AASS: variants seen among roughly 807,000 people sequenced by gnomAD.
AASS encodes aminoadipate-semialdehyde synthase, also known as alpha-aminoadipic semialdehyde synthase, mitochondrial.
Under a neutral mutation model 105.4 loss-of-function variants are expected in AASS, and 86 were observed. That is an observed-to-expected ratio of 0.82 (90% CI 0.69 to 0.98). The LOEUF (loss-of-function observed/expected upper bound fraction) is 0.98. Ranked by LOEUF, AASS falls within the 50% of genes least tolerant of loss-of-function variation. The pLI is 0.00. For missense variants in AASS, 1,048 were observed against 1,143.2 expected, an observed-to-expected ratio of 0.92 and a Z score of 1.20; for synonymous variants, 381 against 394.8, an observed-to-expected ratio of 0.96 and a Z score of 0.41.
chr7:122,103,796 T>C (rs2150526001), intron 11 of AASS, among the ~76,000 whole-genome samples: 1 of 151,838 alleles, frequency 6.6e-6, no homozygotes, highest in African/African-American at 2.4e-5. Flanking sequence ...GTATATATAC[T>C]ATATATACTA....
At chr7:122,122,535 G>A (rs1198764577) in intron 4 of AASS, among the ~76,000 whole-genome samples, 1 of 152,148 alleles carries the variant, frequency 6.6e-6, no homozygotes, top group East Asian at 1.9e-4. Flanking sequence ...CTGGCATTCA[G>A]TAAAAAATTA....
At chr7:122,081,000 A>T (rs1793289271) in intron 20 of AASS, among the ~76,000 whole-genome samples, 4 of 152,222 alleles carry the variant, frequency 2.6e-5, no homozygotes, top group Admixed American at 2.6e-4. Flanking sequence ...TCCAACTCTG[A>T]GGCCTTAAGG....
rs1415982424 is a variant in AASS, at chr7:122,076,561, G to C, written c.2709C>G (p.Ile903Met). The C allele has an allele frequency of 6.2e-7, 1 of 1,613,730 alleles. No homozygotes were observed. The highest frequency in any genetic ancestry group is 8.5e-7 in the Non-Finnish European group (1 of 1,179,814). ...TAATTCGCTCCAATATTGGTCCATA[G>C]ATCTCCTTTGAAAAGGGCCCCATTA... ...KGLMGPFSKE[I>M]YGPILERIKA... Residue 903 changes from isoleucine (I) to methionine (M), a missense_variant, in exon 24 of 24, where the codon ATC becomes ATG. Transcript: ENST00000417368.
chr7:122,079,561 G>A (rs768705154), intron 21 of AASS, 36 bp downstream of exon 21: 4 of 1,423,658 alleles, frequency 2.8e-6, no homozygotes, highest in Middle Eastern at 1.8e-4. Context: ...CATTGATCCA[G>A]TATATTTTGC....
chr7:122,101,564 A>G, intron 12 of AASS, 57 bp downstream of exon 12: 1 of 1,520,148 alleles, frequency 6.6e-7, no homozygotes, highest in African/African-American at 1.4e-5. Flanking sequence ...GAGAGAAGAG[A>G]GCAAAAATGG....
chr7:122,077,793 G>A, intron 23 of AASS, 45 bp downstream of exon 23: 3 of 1,611,430 alleles, frequency 1.9e-6, no homozygotes, highest in Non-Finnish European at 2.5e-6. Context: ...AAATGGCTTG[G>A]AGGTGAAACA....
At chr7:122,097,064 A>AT (rs1163537975) in intron 15 of AASS, among the ~76,000 whole-genome samples, 1 of 152,154 alleles carries the variant, frequency 6.6e-6, no homozygotes, top group East Asian at 1.9e-4. Flanking sequence ...TAACATTTAT[A>AT]TAAATTGAGT....
intron 23 of AASS, among the ~76,000 whole-genome samples, chr7:122,077,253 T>C (rs1287618978): frequency 6.6e-6 from 1 of 152,262 alleles, no homozygotes; most frequent in Non-Finnish European, 1.5e-5. Flanking sequence ...GCTTATTGAA[T>C]GTCTATGTGA....
rs1240721943 is a variant in AASS, at chr7:122,086,095, G to A, written c.2101C>T (p.Pro701Ser). The change falls in exon 19 of 24, where the codon CCT becomes TCT. Residue 701 changes from proline (P) to serine (S), a missense_variant. Physicochemically the swap from Pro to Ser is moderately conservative, Grantham distance 74. Coordinates refer to ENST00000417368, the MANE Select transcript of AASS (RefSeq NM_005763.4). ...GCATATTTCGTACTGTCTCTGTTAG[G>A]ATAGCCTTCCAAATTTAATCCTGGA... ...FFPGLNLEGY[P>S]NRDSTKYAEI... 6.2e-7 allele frequency: 1 copy of A among 1,613,336 alleles called. No individual in the cohort carries two copies. The highest frequency in any genetic ancestry group is 2.2e-5 in the East Asian group (1 of 44,856).
chr7:122,082,954 ATAATG>A, intron 19 of AASS: 1 of 1,015,660 alleles, frequency 9.8e-7, no homozygotes, highest in Non-Finnish European at 1.4e-6. Flanking sequence ...AAGAAAGACC[ATAATG>A]GTTTATTCCC....
rs1795033546 is a variant in AASS at position 122,113,601 on chromosome 7, T to C, written c.1163A>G (p.Asp388Gly). Reference sequence around the variant, plus strand: ...CTAACAACTTTAGCAAACTCACCTGTCATGAATAATATGCTGGTCTGCATC... The same window carrying C: ...CTAACAACTTTAGCAAACTCACCTGCCATGAATAATATGCTGGTCTGCATC... ...MYDADQHIIH[D>G]SVEGSGILMC... Residue 388 changes from aspartate to glycine, a missense_variant, in exon 10 of 24, where the codon GAC (aspartate) becomes GGC (glycine). Transcript: ENST00000417368. 9 of 1,613,574 alleles carry C rather than the reference T, an allele frequency of 5.6e-6. No homozygotes were observed. Among genetic ancestry groups the C allele is most frequent in the Non-Finnish European group, 7.6e-6 (9 of 1,179,918 alleles).
At chr7:122,118,226 C>T in intron 6 of AASS, 81 bp downstream of exon 6, 1 of 1,517,794 alleles carries the variant, frequency 6.6e-7, no homozygotes, top group Admixed American at 1.7e-5. Flanking sequence ...TTTGAAATAC[C>T]CACAAAATGG....
At chr7:122,136,078 T>C (rs1796126833) in intron 1 of AASS, among the ~76,000 whole-genome samples, 1 of 152,178 alleles carries the variant, frequency 6.6e-6, no homozygotes, top group Admixed American at 6.5e-5. Flanking sequence ...ATATAAGGAT[T>C]CAATGATTTT....
chr7:122,076,186 C>CAAA lies in AASS; in HGVS notation c.*302_*303insTTT. On this transcript the variant is annotated 3_prime_UTR_variant, in exon 24 of 24. Transcript: ENST00000417368. ...GAGACTCCATCTCAAAAAACAACAACAACAAAAAAAAAACAAAAGAAAAAA... is the reference window on the plus strand; with the variant it reads ...GAGACTCCATCTCAAAAAACAACAACAAAAACAAAAAAAAAACAAAAGAAAAAA... The CAAA allele has an allele frequency of 3.2e-6, 1 of 310,148 alleles. No homozygotes were observed. Among genetic ancestry groups the CAAA allele is most frequent in the Non-Finnish European group, 6.1e-6 (1 of 164,900 alleles). The allele number at this position is 310,148 out of a possible 1,614,324, so 19.2% of individuals were successfully genotyped here.
At chr7:122,112,717 A>G (rs1794993420) in intron 11 of AASS, among the ~76,000 whole-genome samples, 1 of 152,226 alleles carries the variant, frequency 6.6e-6, no homozygotes, top group Non-Finnish European at 1.5e-5. Flanking sequence ...CTTAACTATT[A>G]GTGACCAGAA....
chr7:122,143,452 G>A (rs1796493156), intron 1 of AASS, among the ~76,000 whole-genome samples: 1 of 150,886 alleles, frequency 6.6e-6, no homozygotes, highest in Admixed American at 6.6e-5. Context: ...CGAGGAGGGT[G>A]GGTAAACTGC....
chr7:122,096,319 A>T (rs1288492869), intron 15 of AASS, among the ~76,000 whole-genome samples: 2 of 152,098 alleles, frequency 1.3e-5, no homozygotes, highest in African/African-American at 2.4e-5. Context: ...ATATCAAAAC[A>T]TTCTTTCCCC....
chr7:122,124,432 A>G (rs546603948), intron 4 of AASS, among the ~76,000 whole-genome samples: 4 of 152,048 alleles, frequency 2.6e-5, no homozygotes, highest in African/African-American at 9.6e-5. Context: ...ACAGGCACCC[A>G]CCATCACGCC....
intron 19 of AASS, 118 bp downstream of exon 19, chr7:122,085,894 A>G (rs1793599622): frequency 8.8e-7 from 1 of 1,134,460 alleles, no homozygotes; most frequent in Non-Finnish European, 1.3e-6. Context: ...GATTCCTGAA[A>G]AAATAGACTC....
Sources: allele counts gnomAD v4.1 joint callset (sites outside exome capture counted in the v4.1 genomes callset), GRCh38; gene constraint gnomAD v4.1.1; transcripts MANE v1.5; gene names NCBI Gene and HGNC (gene_info 2026-07-23, HGNC 2026-07-21).